The following NUP54 variants were observed in gnomAD, a reference collection of about 807,000 sequenced individuals.
NUP54 encodes nucleoporin p54.
Under a neutral mutation model 66.4 loss-of-function variants are expected in NUP54, and 27 were observed. That is an observed-to-expected ratio of 0.41 (90% CI 0.30 to 0.56). The LOEUF (loss-of-function observed/expected upper bound fraction) is 0.56, where lower values mean the gene tolerates loss of function less well. Ranked by LOEUF, NUP54 falls within the 20% of genes least tolerant of loss-of-function variation. NUP54 has a pLI of 0.34. For missense variants in NUP54, 486 were observed against 596.3 expected (o/e 0.82, Z 1.93); for synonymous variants, 206 against 210.7 (o/e 0.98, Z 0.19).
At chr4:76,133,741 T>C (rs538808745) in intron 5 of NUP54, among the ~76,000 whole-genome samples, 17 of 152,318 alleles carry the variant, frequency 1.1e-4, no homozygotes, top group African/African-American at 3.8e-4. Flanking sequence ...TGTTCAATTA[T>C]TGCATCTCAT....
intron 9 of NUP54, among the ~76,000 whole-genome samples, chr4:76,121,213 T>C (rs764658872): frequency 2.0e-5 from 3 of 152,228 alleles, no homozygotes; most frequent in African/African-American, 4.8e-5. Context: ...ACCCACTGAA[T>C]TGAAATACCA....
intron 8 of NUP54, among the ~76,000 whole-genome samples, chr4:76,125,338 A>ACGCGCG (rs769313894): frequency 6.9e-4 from 99 of 142,724 alleles, no homozygotes; most frequent in South Asian, 5.9e-3. Flanking sequence ...ACACACACAC[A>ACGCGCG]CACACACACA....
At chr4:76,147,734 G>A (rs1169572948) in intron 1 of NUP54, 2 of 1,016,288 alleles carry the variant, frequency 2.0e-6, no homozygotes, top group Non-Finnish European at 1.3e-6. Context: ...ATCAGCAGGA[G>A]GTTTCACAGA....
intron 6 of NUP54, 127 bp downstream of exon 6, chr4:76,132,396 A>G (rs1055081707): frequency 1.0e-4 from 60 of 591,982 alleles, no homozygotes; most frequent in Non-Finnish European, 1.6e-4. Context: ...TTCCCAAATA[A>G]GTAGATATAT....
In NUP54 at chr4:76,144,266, C is replaced by T; in HGVS notation, c.178G>A (p.Gly60Ser). ...CCAAAACCAGTACCAAATCCAAAAC[C>T]TTTGTTCTGAGTACCACCAAAGAGT... is the stretch of plus-strand genomic sequence containing the variant. ...TGLFGGTQNK[G>S]FGFGTGFGTT... Residue 60 changes from glycine (G) to serine (S), a missense_variant, in exon 3 of 12, where the codon GGT becomes AGT. Gly to Ser is a moderately conservative substitution (Grantham distance 56). Around this residue, in one of 4 missense-constraint regions of NUP54, gnomAD observed 145 missense variants for 137.1 expected, o/e 1.06. Transcript: ENST00000264883. 8.1e-6 allele frequency: 13 copies of T among 1,613,740 alleles called. No individual in the cohort carries two copies. The highest frequency in any genetic ancestry group is 4.4e-5 in the South Asian group (4 of 91,060).
rs867316827 is a variant in NUP54 at position 76,136,369 on chromosome 4, C to T, written c.339G>A (p.Gln113=). ...LFSQPTQAPT[Q]SNQLINTASA... is the part of the protein sequence containing the mutation. Reference sequence around the variant, plus strand: ...TCGCAGTATTTATCAGCTGGTTGGACTGGGTAGGAGCTTGTGTAGGCTGAC... The same window carrying T: ...TCGCAGTATTTATCAGCTGGTTGGATTGGGTAGGAGCTTGTGTAGGCTGAC... The change falls in exon 4 of 12, where the codon CAG becomes CAA. Residue 113 remains glutamine, a synonymous_variant. Transcript: ENST00000264883. 2.5e-6 allele frequency: 4 copies of T among 1,613,978 alleles called. No homozygotes were observed. In the African/African-American group the frequency reaches 4.0e-5, roughly 16 times the overall value.
chr4:76,136,381 T>G lies in NUP54; in HGVS notation c.327A>C (p.Gln109His), dbSNP rs746654020. The G allele has an allele frequency of 6.2e-7, 1 of 1,614,048 alleles. No homozygotes were observed. The highest frequency in any genetic ancestry group is 1.1e-5 in the South Asian group (1 of 91,070). The part of the protein sequence containing the change: ...TLGGLFSQPT[Q>H]APTQSNQLIN... ...TCAGCTGGTTGGACTGGGTAGGAGCTTGTGTAGGCTGACTGAAGAGACCAC... is the reference window on the plus strand; with the variant it reads ...TCAGCTGGTTGGACTGGGTAGGAGCGTGTGTAGGCTGACTGAAGAGACCAC... Residue 109 changes from glutamine (Q) to histidine (H), a missense_variant, in exon 4 of 12, where the codon CAA (glutamine) becomes CAC (histidine). Physicochemically the swap from Gln to His is conservative, Grantham distance 24. Around this residue, in one of 4 missense-constraint regions of NUP54, gnomAD observed 145 missense variants for 137.1 expected, o/e 1.06. Transcript: ENST00000264883.
Position 76,115,356 on chromosome 4 carries a change from TTG to T in NUP54, c.*8_*9del. The T allele has an allele frequency of 6.3e-7, 1 of 1,581,560 alleles. No individual in the cohort carries two copies. Among genetic ancestry groups the T allele is most frequent in the Non-Finnish European group, 8.6e-7 (1 of 1,168,036 alleles). ...GCATTTCACAAACCTTTACACAAGT[TTG>T]TGAACTGTCAACTAAAGACACCACC... On this transcript the variant is annotated 3_prime_UTR_variant, in exon 12 of 12. Transcript: ENST00000264883.
Position 76,117,697 on chromosome 4 carries a change from G to GTAA in NUP54, c.1359_1361dup (p.Tyr454dup), listed in dbSNP as rs754691244. 5.2e-5 allele frequency: 84 copies of GTAA among 1,613,062 alleles called. No individual in the cohort carries two copies. Among genetic ancestry groups the GTAA allele is most frequent in the Non-Finnish European group, 6.9e-5 (81 of 1,179,202 alleles). ...TTTCTCGTAACAGATCTGCATCTATGTAATACCTTTCTTCAGATCTGACTG... is the reference window on the plus strand; with the variant it reads ...TTTCTCGTAACAGATCTGCATCTATGTAATAATACCTTTCTTCAGATCTGACTG... On this transcript the variant is annotated inframe_insertion, in exon 11 of 12. Transcript: ENST00000264883.
Position 76,115,441 on chromosome 4 carries a change from G to A in NUP54, c.1449C>T (p.Asp483=), listed in dbSNP as rs202201679. 34 of 1,610,652 alleles carry A rather than the reference G, an allele frequency of 2.1e-5. No homozygotes were observed. The highest frequency in any genetic ancestry group is 6.7e-5 in the African/African-American group (5 of 74,896). ...CGACCAGCTTTATATCTTCTAGATCGTCTTTAATGATGCTAATCAAATGGC... is the reference window on the plus strand; with the variant it reads ...CGACCAGCTTTATATCTTCTAGATCATCTTTAATGATGCTAATCAAATGGC... ...GLSHLISIIK[D]DLEDIKLVEH... is the part of the protein sequence containing the mutation. Residue 483 remains aspartate (D), a synonymous_variant, in exon 12 of 12, where the codon GAC becomes GAT. Coordinates refer to ENST00000264883, the MANE Select transcript of NUP54 (RefSeq NM_017426.4).
intron 8 of NUP54, among the ~76,000 whole-genome samples, chr4:76,126,388 A>G (rs889953155): frequency 2.0e-5 from 3 of 152,250 alleles, no homozygotes; most frequent in Non-Finnish European, 4.4e-5. Context: ...TGTGCAAGAC[A>G]TATTTTAGCA....
chr4:76,120,979 T>C (rs1292512804), intron 9 of NUP54, among the ~76,000 whole-genome samples: 1 of 152,218 alleles, frequency 6.6e-6, no homozygotes, highest in Non-Finnish European at 1.5e-5. Flanking sequence ...CACATGACTA[T>C]TGACAAATGG....
intron 9 of NUP54, among the ~76,000 whole-genome samples, chr4:76,119,671 C>T (rs1475871032): frequency 6.6e-6 from 1 of 152,030 alleles, no homozygotes; most frequent in Non-Finnish European, 1.5e-5. Flanking sequence ...GGCCACTGTG[C>T]CAGGCTGCTT....
rs1198824858 is a variant in NUP54, at chr4:76,115,068, T to C, written c.*298A>G. 1 of 215,636 alleles carries C rather than the reference T, an allele frequency of 4.6e-6. No homozygotes were observed. The highest frequency in any genetic ancestry group is 9.0e-6 in the Non-Finnish European group (1 of 110,588). 13.4% of individuals were successfully genotyped at this position (215,636 alleles called of 1,614,324 possible). A position where few individuals can be genotyped will look rare whatever the true frequency, so the allele number is the denominator to read the frequency against. ...GACAATAATCATTAAACACAGATTA[T>C]GTTTAAGAAAATGCTGTTGTAAAAA... On this transcript the variant is annotated 3_prime_UTR_variant, in exon 12 of 12. Transcript: ENST00000264883.
At chr4:76,137,164 T>A (rs868751115) in intron 3 of NUP54, among the ~76,000 whole-genome samples, 6 of 152,172 alleles carry the variant, frequency 3.9e-5, no homozygotes, top group Non-Finnish European at 8.8e-5. Context: ...GTTAATTTTT[T>A]AAAATTATTT....
intron 1 of NUP54, chr4:76,145,969 TAA>T: frequency 3.4e-6 from 1 of 296,688 alleles, no homozygotes; most frequent in East Asian, 9.6e-5. Flanking sequence ...AACATTTTCA[TAA>T]AAGTCACCCA....
intron 9 of NUP54, among the ~76,000 whole-genome samples, chr4:76,121,953 TTTGC>T (rs1414998928): frequency 6.6e-6 from 1 of 152,236 alleles, no homozygotes; most frequent in Non-Finnish European, 1.5e-5. Flanking sequence ...ATATTATTTC[TTTGC>T]TTGTTTTATT....
At chr4:76,140,520 C>T (rs960705342) in intron 3 of NUP54, among the ~76,000 whole-genome samples, 5 of 151,960 alleles carry the variant, frequency 3.3e-5, no homozygotes, top group East Asian at 1.9e-4. Context: ...TCAGGTGATC[C>T]GCCCACCTCA....
intron 8 of NUP54, among the ~76,000 whole-genome samples, chr4:76,127,240 G>T (rs1730578504): frequency 6.6e-6 from 1 of 152,044 alleles, no homozygotes; most frequent in African/African-American, 2.4e-5. Context: ...AGACCATCCT[G>T]GCTAACACGG....
Sources: gnomAD v4.1 joint callset for allele counts (sites outside exome capture counted in the v4.1 genomes callset) on GRCh38, gnomAD v4.1.1 for gene constraint, gnomAD v4.1.1 regional missense constraint, MANE v1.5 for transcripts, NCBI Gene and HGNC (gene_info 2026-07-23, HGNC 2026-07-21) for gene names.